Variants in SLC24A2 observed in about 807,000 individuals in gnomAD.
SLC24A2 encodes the protein sodium/potassium/calcium exchanger 2.
SLC24A2 carries 36 observed loss-of-function variants against 62.0 expected under a neutral mutation model. The observed-to-expected ratio is 0.58, with a 90% CI of 0.44 to 0.77. SLC24A2 has a LOEUF of 0.77. Among genes scored for constraint, SLC24A2 ranks in the 30% least tolerant of loss-of-function variants. The pLI is 0.00. For missense variants in SLC24A2, 846 were observed against 817.9 expected (o/e 1.03, Z -0.42); for synonymous variants, 358 against 294.0 (o/e 1.22, Z -2.23).
At chr9:19,948,372 T>G in the SLC24A2 span, among the ~76,000 whole-genome samples, 2 of 152,068 alleles carry the variant, frequency 1.3e-5, no homozygotes, top group African/African-American at 4.8e-5. Flanking sequence ...TGAATTATCT[T>G]CACAATATTT....
At chr9:19,556,300 G>T (rs574367321) in intron 7 of SLC24A2, among the ~76,000 whole-genome samples, 1 of 152,304 alleles carries the variant, frequency 6.6e-6, no homozygotes, top group Non-Finnish European at 1.5e-5. Context: ...GTCTTCGGTG[G>T]AGAAGCCTGA....
chr9:20,051,972 C>T, the SLC24A2 span, among the ~76,000 whole-genome samples: 2 of 151,848 alleles, frequency 1.3e-5, no homozygotes, highest in East Asian at 1.9e-4. Flanking sequence ...GTTTCTAGCT[C>T]GCAGGACACT....
the SLC24A2 span, among the ~76,000 whole-genome samples, chr9:20,166,383 A>G: frequency 1.3e-5 from 2 of 152,128 alleles, no homozygotes; most frequent in African/African-American, 2.4e-5. Flanking sequence ...GGAGGACCAA[A>G]TATTTAAGCA....
At chr9:19,890,667 G>T in the SLC24A2 span, among the ~76,000 whole-genome samples, 64 of 152,074 alleles carry the variant, frequency 4.2e-4, 2 homozygotes, top group African/African-American at 1.3e-3. Context: ...CCATCACATA[G>T]CTTTTTTAAA....
chr9:19,862,027 T>G, the SLC24A2 span, among the ~76,000 whole-genome samples: 64 of 152,160 alleles, frequency 4.2e-4, no homozygotes, highest in African/African-American at 1.5e-3. Context: ...GGTAGAAAGT[T>G]TATTCAAAGG....
the SLC24A2 span, among the ~76,000 whole-genome samples, chr9:20,084,870 G>T: frequency 7.2e-4 from 110 of 152,316 alleles, no homozygotes; most frequent in Non-Finnish European, 2.5e-4. Context: ...AGTTATGAAA[G>T]ATATTAAGAG....
chr9:20,231,119 T>C, the SLC24A2 span, among the ~76,000 whole-genome samples: 5 of 152,060 alleles, frequency 3.3e-5, no homozygotes, highest in Non-Finnish European at 4.4e-5. Context: ...CAGTACCATG[T>C]TGTTTTGGTT....
chr9:20,260,164 C>T, the SLC24A2 span, among the ~76,000 whole-genome samples: 1 of 152,230 alleles, frequency 6.6e-6, no homozygotes, highest in Non-Finnish European at 1.5e-5. Flanking sequence ...CATTAGTGAG[C>T]TTAGTGCCAT....
the SLC24A2 span, among the ~76,000 whole-genome samples, chr9:20,097,114 C>G: frequency 6.6e-6 from 1 of 152,186 alleles, no homozygotes; most frequent in Non-Finnish European, 1.5e-5. Context: ...AATGTCCACC[C>G]TACATCCTAT....
chr9:19,704,972 A>T (rs1820468135), intron 2 of SLC24A2, among the ~76,000 whole-genome samples: 1 of 152,112 alleles, frequency 6.6e-6, no homozygotes, highest in Non-Finnish European at 1.5e-5. Flanking sequence ...TGTCACTTAG[A>T]AGTTGAAAGA....
At chr9:19,856,614 G>A in the SLC24A2 span, among the ~76,000 whole-genome samples, 1 of 152,156 alleles carries the variant, frequency 6.6e-6, no homozygotes, top group African/African-American at 2.4e-5. Flanking sequence ...TGCACTGGGA[G>A]GTGTCACCAG....
the SLC24A2 span, among the ~76,000 whole-genome samples, chr9:20,024,793 G>A: frequency 0.092 from 14,044 of 152,040 alleles, 1,036 homozygotes; most frequent in East Asian, 0.4. Context: ...CCATAGAAGA[G>A]GACTAGTCCC....
At chr9:20,185,798 G>C in the SLC24A2 span, among the ~76,000 whole-genome samples, 14 of 152,128 alleles carry the variant, frequency 9.2e-5, no homozygotes, top group Non-Finnish European at 1.6e-4. Flanking sequence ...AGTTTGTAGA[G>C]ACTGGAAGCC....
chr9:19,899,839 T>G, the SLC24A2 span, among the ~76,000 whole-genome samples: 1 of 152,084 alleles, frequency 6.6e-6, no homozygotes, highest in African/African-American at 2.4e-5. Flanking sequence ...CAGAATTCAC[T>G]CATTATCACA....
intron 7 of SLC24A2, among the ~76,000 whole-genome samples, chr9:19,565,842 A>G (rs201110490): frequency 6.6e-6 from 1 of 152,052 alleles, no homozygotes. Context: ...TTTGACAAAC[A>G]TGACAAAAAC....
At chr9:20,238,958 G>A in the SLC24A2 span, among the ~76,000 whole-genome samples, 41 of 152,138 alleles carry the variant, frequency 2.7e-4, no homozygotes, top group Non-Finnish European at 4.4e-4. Context: ...AAAAGGCCAC[G>A]GGAGGGCACA....
At position 19,786,932 on chromosome 9, in the gene SLC24A2, T is replaced by C; in HGVS notation, c.-66A>G. ...ACTCAACCAGATGGTTCTTTCATACTTTTCCTTACTTTATAGTTAACGATG... is the reference window on the plus strand; with the variant it reads ...ACTCAACCAGATGGTTCTTTCATACCTTTCCTTACTTTATAGTTAACGATG... On this transcript the variant is annotated 5_prime_UTR_variant, in exon 2 of 11. Coordinates refer to ENST00000341998, the MANE Select transcript of SLC24A2 (RefSeq NM_020344.4). This position sits in a 1 kb window ranked among gnomAD's most constrained non-coding sequence, Gnocchi z 5.0. 6.3e-7 allele frequency: 1 copy of C among 1,583,276 alleles called. No individual in the cohort carries two copies. Among genetic ancestry groups the C allele is most frequent in the Non-Finnish European group, 8.5e-7 (1 of 1,172,568 alleles).
intron 2 of SLC24A2, among the ~76,000 whole-genome samples, chr9:19,784,178 T>C (rs1162753908): frequency 6.6e-6 from 1 of 152,096 alleles, no homozygotes; most frequent in African/African-American, 2.4e-5. Flanking sequence ...TAATGAATGG[T>C]TTATAATTGA....
At chr9:20,280,661 A>G in the SLC24A2 span, among the ~76,000 whole-genome samples, 8 of 152,224 alleles carry the variant, frequency 5.3e-5, no homozygotes, top group Non-Finnish European at 7.3e-5. Context: ...GGGTTACCGA[A>G]AGACATGTCC....
Sources: gnomAD v4.1 joint callset for allele counts (sites outside exome capture counted in the v4.1 genomes callset) on GRCh38, gnomAD v4.1.1 for gene constraint, Gnocchi (gnomAD v3.1) non-coding constraint, MANE v1.5 for transcripts, NCBI Gene and HGNC (gene_info 2026-07-23, HGNC 2026-07-21) for gene names.